The following TBC1D1 variants were observed in gnomAD, a reference collection of about 807,000 sequenced individuals.
TBC1D1 encodes TBC1 (tre-2/USP6, BUB2, cdc16) domain family, member 1.
TBC1D1 carries 89 observed loss-of-function variants against 125.6 expected under a neutral mutation model. That is an observed-to-expected ratio of 0.71 (90% CI 0.60 to 0.85). The LOEUF (loss-of-function observed/expected upper bound fraction) is 0.85, where lower values mean the gene tolerates loss of function less well. Ranked by LOEUF, TBC1D1 falls within the 40% of genes least tolerant of loss-of-function variation. The pLI is 0.00. For missense variants in TBC1D1, 1,377 were observed against 1,469.2 expected (o/e 0.94, Z 1.03); for synonymous variants, 565 against 564.1 (o/e 1.00, Z -0.02).
At chr4:37,983,053 C>A (rs1057265706) in intron 2 of TBC1D1, among the ~76,000 whole-genome samples, 1 of 151,876 alleles carries the variant, frequency 6.6e-6, no homozygotes, top group African/African-American at 2.4e-5. Context: ...GGCATACAGA[C>A]CCCTTTGGTA....
At chr4:37,896,248 A>G (rs1714583590) in intron 1 of TBC1D1, among the ~76,000 whole-genome samples, 1 of 152,116 alleles carries the variant, frequency 6.6e-6, no homozygotes, top group Admixed American at 6.5e-5. Context: ...TGAGGAGGTG[A>G]GGGCTGAAGC....
At chr4:37,923,118 C>T (rs1006937635) in intron 2 of TBC1D1, among the ~76,000 whole-genome samples, 2 of 152,170 alleles carry the variant, frequency 1.3e-5, no homozygotes, top group African/African-American at 4.8e-5. Flanking sequence ...CCCCCCACCC[C>T]TTGACAGGCC....
rs577701985 is a variant in TBC1D1, at chr4:38,031,121, G to A, written c.1302+3242G>A. ...ATGACCCCATGATGCTCTGTTACTG[G>A]GTGAATATACTAAATCCAAACTGAT... On this transcript the variant is annotated intron_variant, in intron 7 of 19. Coordinates refer to ENST00000261439, the MANE Select transcript of TBC1D1 (RefSeq NM_015173.4). Among the ~76,000 whole-genome samples the A allele has an allele frequency of 2.0e-5, 3 of 152,266 alleles. No individual in the cohort carries two copies. In the East Asian group the frequency reaches 5.8e-4, roughly 29 times the overall value.
At chr4:38,036,007 T>C (rs1578368599) in intron 8 of TBC1D1, among the ~76,000 whole-genome samples, 1 of 151,954 alleles carries the variant, frequency 6.6e-6, no homozygotes, top group Admixed American at 6.6e-5. Flanking sequence ...AGGGAGCTGG[T>C]TTGTCACCTC....
Position 38,021,736 on chromosome 4 carries a change from T to G in TBC1D1, c.1210+18T>G, listed in dbSNP as rs762402598. ...GATAGAGGGTGAGTAGGGGACCCTT[T>G]CCAGCATGAACACAGTGGGAGTTAA... is the stretch of plus-strand genomic sequence containing the variant. On this transcript the variant is annotated intron_variant, in intron 6 of 19. Transcript: ENST00000261439. The G allele has an allele frequency of 2.0e-6, 3 of 1,527,028 alleles. No homozygotes were observed. In the South Asian group the frequency reaches 3.8e-5, roughly 19 times the overall value. The allele number at this position is 1,527,028 out of a possible 1,614,324, so 94.6% of individuals were successfully genotyped here.
At chr4:37,980,951 T>C (rs1578139005) in intron 2 of TBC1D1, among the ~76,000 whole-genome samples, 1 of 151,882 alleles carries the variant, frequency 6.6e-6, no homozygotes, top group Admixed American at 6.6e-5. Flanking sequence ...AAGGAATCTT[T>C]TTTTTTTTTG....
intron 18 of TBC1D1, among the ~76,000 whole-genome samples, chr4:38,126,235 T>C (rs1560271677): frequency 6.6e-6 from 1 of 152,236 alleles, no homozygotes; most frequent in Admixed American, 6.5e-5. Flanking sequence ...AAATATGGTA[T>C]TCTAATCTTA....
At chr4:37,896,306 C>G (rs1714606186) in intron 1 of TBC1D1, among the ~76,000 whole-genome samples, 1 of 152,142 alleles carries the variant, frequency 6.6e-6, no homozygotes, top group Non-Finnish European at 1.5e-5. Flanking sequence ...CCATCCTGCT[C>G]TCTGTAGTTT....
At chr4:37,949,932 C>T (rs192950217) in intron 2 of TBC1D1, among the ~76,000 whole-genome samples, 21 of 152,292 alleles carry the variant, frequency 1.4e-4, no homozygotes, top group East Asian at 5.8e-4. Context: ...AGATTCCTAA[C>T]GGAGTTGAAC....
chr4:38,068,092 C>G (rs1464653968), intron 12 of TBC1D1, among the ~76,000 whole-genome samples: 1 of 152,188 alleles, frequency 6.6e-6, no homozygotes, highest in African/African-American at 2.4e-5. Context: ...GCTTCCTCTG[C>G]TTGGATTCCT....
At chr4:37,897,297 T>C (rs942678150) in intron 1 of TBC1D1, among the ~76,000 whole-genome samples, 6 of 152,222 alleles carry the variant, frequency 3.9e-5, no homozygotes, top group African/African-American at 1.4e-4. Flanking sequence ...ATTATTTGCA[T>C]AGTTTATCTC....
chr4:38,117,037 A>G (rs1218435952), intron 16 of TBC1D1, among the ~76,000 whole-genome samples: 1 of 152,188 alleles, frequency 6.6e-6, no homozygotes, highest in East Asian at 1.9e-4. Context: ...CATTCCCTTT[A>G]TTAACTTTAA....
intron 14 of TBC1D1, among the ~76,000 whole-genome samples, chr4:38,098,285 G>A (rs1349221911): frequency 6.6e-6 from 1 of 152,214 alleles, no homozygotes; most frequent in African/African-American, 2.4e-5. Context: ...GGAGAAAGCA[G>A]AGAAAAGAAT....
chr4:37,931,615 T>C (rs1723275279), intron 2 of TBC1D1, among the ~76,000 whole-genome samples: 2 of 151,352 alleles, frequency 1.3e-5, no homozygotes, highest in African/African-American at 2.4e-5. Context: ...GTAGCTGGGA[T>C]TACAGGCACC....
intron 1 of TBC1D1, among the ~76,000 whole-genome samples, chr4:37,894,344 A>G (rs1297667678): frequency 1.3e-5 from 2 of 152,188 alleles, no homozygotes; most frequent in Non-Finnish European, 2.9e-5. Context: ...ATGCAGGGGC[A>G]ATGTGTCCCT....
intron 2 of TBC1D1, among the ~76,000 whole-genome samples, chr4:37,919,275 C>G (rs1211254929): frequency 1.3e-5 from 2 of 152,110 alleles, no homozygotes; most frequent in Admixed American, 1.3e-4. Context: ...TCAAGCGATT[C>G]CCCTGCCTCA....
chr4:38,128,049 G>A lies in TBC1D1; in HGVS notation c.3132+2918G>A, dbSNP rs949915535. 1.6e-4 allele frequency among the ~76,000 whole-genome samples: 25 copies of A among 152,328 alleles called. No individual in the cohort carries two copies. In the East Asian group the frequency reaches 1.7e-3, roughly 11 times the overall value. On this transcript the variant is annotated intron_variant, in intron 18 of 19. Coordinates refer to ENST00000261439, the MANE Select transcript of TBC1D1 (RefSeq NM_015173.4). ...ATCTTTATTTTAAAAACTGTGCAGC[G>A]TGATGGGCTTGGTCCACAGGTGGTG...
chr4:38,032,639 C>T (rs1366045587), intron 7 of TBC1D1, among the ~76,000 whole-genome samples: 1 of 152,040 alleles, frequency 6.6e-6, no homozygotes, highest in Non-Finnish European at 1.5e-5. Context: ...TCAAGACCAT[C>T]CTGGCTAACA....
chr4:38,041,328 C>T (rs1212843521), intron 8 of TBC1D1, among the ~76,000 whole-genome samples: 3 of 152,052 alleles, frequency 2.0e-5, no homozygotes, highest in Admixed American at 6.6e-5. Context: ...GTGACAATAC[C>T]GTATAAAGGT....
Sources: allele counts gnomAD v4.1 joint callset (sites outside exome capture counted in the v4.1 genomes callset), GRCh38; gene constraint gnomAD v4.1.1; transcripts MANE v1.5; gene names NCBI Gene and HGNC (gene_info 2026-07-23, HGNC 2026-07-21).